The following SUGT1 variants were observed in gnomAD, a reference collection of about 807,000 sequenced individuals.
SUGT1 encodes the protein protein SGT1 homolog.
In SUGT1, 15 loss-of-function variants were observed where a neutral mutation model predicts 56.1. That is an observed-to-expected ratio of 0.27 (90% CI 0.18 to 0.41). The LOEUF (loss-of-function observed/expected upper bound fraction) is 0.41. Ranked by LOEUF, SUGT1 falls within the 10% of genes least tolerant of loss-of-function variation. SUGT1 has a pLI of 1.00. For synonymous variants in SUGT1, 123 were observed against 128.6 expected, an observed-to-expected ratio of 0.96 and a Z score of 0.30; for missense variants, 347 against 382.2, an observed-to-expected ratio of 0.91 and a Z score of 0.77.
intron 11 of SUGT1, among the ~76,000 whole-genome samples, chr13:52,679,580 C>CT (rs1963286822): frequency 4.2e-5 from 1 of 23,534 alleles, no homozygotes; most frequent in Admixed American, 7.2e-4. Flanking sequence ...CTTAGGCATC[C>CT]TTTAAAAAAT....
At position 52,653,642 on chromosome 13, in the gene SUGT1, G is replaced by T. The variant is rs1205299683; in HGVS notation, c.96+539G>T. Among the ~76,000 whole-genome samples, 5 of 152,184 alleles carry T rather than the reference G, an allele frequency of 3.3e-5. No individual in the cohort carries two copies. In the East Asian group the frequency reaches 9.6e-4, roughly 29 times the overall value. On this transcript the variant is annotated intron_variant, in intron 2 of 12. Transcript: ENST00000310528. Reference sequence around the variant, plus strand: ...TGTGCAAAGGCGCTGATTGCTGTGGGTTAAAGTCTTGGTTATATACTCAGC... The same window carrying T: ...TGTGCAAAGGCGCTGATTGCTGTGGTTTAAAGTCTTGGTTATATACTCAGC...
chr13:52,664,189 T>A, intron 8 of SUGT1, 132 bp downstream of exon 8: 1 of 891,568 alleles, frequency 1.1e-6, no homozygotes, highest in Non-Finnish European at 1.7e-6. Context: ...AATTGTGTAA[T>A]AGCTTTATGT....
At chr13:52,656,027 T>C (rs1443067267) in intron 2 of SUGT1, among the ~76,000 whole-genome samples, 1 of 152,202 alleles carries the variant, frequency 6.6e-6, no homozygotes, top group Non-Finnish European at 1.5e-5. Flanking sequence ...CTGGTTATTA[T>C]TGTCAAGGGC....
chr13:52,654,451 A>AT (rs1267447905), intron 2 of SUGT1, among the ~76,000 whole-genome samples: 1 of 152,232 alleles, frequency 6.6e-6, no homozygotes, highest in Non-Finnish European at 1.5e-5. Flanking sequence ...TACTTTAAAA[A>AT]TTTTTATGGA....
At position 52,696,084 on chromosome 13, in the gene SUGT1, G is replaced by C. The variant is rs915592315; in HGVS notation, c.*8249G>C. On this transcript the variant is annotated 3_prime_UTR_variant, in exon 13 of 13. Coordinates refer to ENST00000310528, the MANE Select transcript of SUGT1 (RefSeq NM_006704.5). ...AATCTATTCCTTGTTTGTCAGACCA[G>C]TACATTACAGTTGGTTCATTTCTTC... 2.0e-5 allele frequency: 3 copies of C among 152,252 alleles called. No homozygotes were observed. The highest frequency in any genetic ancestry group is 6.5e-5 in the Admixed American group (1 of 15,278). The allele number at this position is 152,252 out of a possible 1,614,324, so 9.4% of individuals were successfully genotyped here. A position where few individuals can be genotyped will look rare whatever the true frequency, so the allele number is the denominator to read the frequency against.
chr13:52,684,745 C>T (rs1266058809), intron 12 of SUGT1, among the ~76,000 whole-genome samples: 1 of 151,800 alleles, frequency 6.6e-6, no homozygotes, highest in Non-Finnish European at 1.5e-5. Context: ...CCAGGCTGGT[C>T]TTGAACTCTT....
In SUGT1 at chr13:52,685,845, G is replaced by A. The variant is rs554006976; in HGVS notation, c.901-1889G>A. ...CCCTGCAGTCTATTAGGAGAGATGCGGGGGTGGGGCGATAAGTGTCATCAG... is the reference window on the plus strand; with the variant it reads ...CCCTGCAGTCTATTAGGAGAGATGCAGGGGTGGGGCGATAAGTGTCATCAG... On this transcript the variant is annotated intron_variant, in intron 12 of 12. Transcript: ENST00000310528. Among the ~76,000 whole-genome samples the A allele has an allele frequency of 1.6e-4, 24 of 152,310 alleles. 1 individual carries two copies. The South Asian group carries it at 3.1e-3, about 20-fold the overall frequency.
At chr13:52,685,067 GTC>G (rs1415407012) in intron 12 of SUGT1, among the ~76,000 whole-genome samples, 1 of 48,828 alleles carries the variant, frequency 2.0e-5, no homozygotes, top group Non-Finnish European at 3.9e-5. Flanking sequence ...ACCTTTTGGT[GTC>G]TTTTTTTTTT....
rs1218778615 is a variant in SUGT1 at position 52,700,059 on chromosome 13, ACAT to A, written c.*12226_*12228del. The A allele has an allele frequency of 1.3e-5, 2 of 152,142 alleles. No homozygotes were observed. Among genetic ancestry groups the A allele is most frequent in the East Asian group, 1.9e-4 (1 of 5,194 alleles). The allele number at this position is 152,142 out of a possible 1,614,324, so 9.4% of individuals were successfully genotyped here. A position where few individuals can be genotyped will look rare whatever the true frequency, so the allele number is the denominator to read the frequency against. On this transcript the variant is annotated 3_prime_UTR_variant, in exon 13 of 13. Coordinates refer to ENST00000310528, the MANE Select transcript of SUGT1 (RefSeq NM_006704.5). ...GGTGAGAACAGGAATACGAAACACA[ACAT>A]CTGTAAATGACTAAATTCAGAGGGA...
chr13:52,665,972 A>G (rs758846790), intron 9 of SUGT1, among the ~76,000 whole-genome samples: 5 of 152,222 alleles, frequency 3.3e-5, no homozygotes, highest in African/African-American at 4.8e-5. Context: ...TGGTTATATT[A>G]GTAAGATAAT....
rs1962672414 is a variant in SUGT1, at chr13:52,665,711, A to C, written c.497A>C (p.Asn166Thr). Residue 166 changes from asparagine (N) to threonine (T), a missense_variant, in exon 9 of 13, where the codon AAT (asparagine) becomes ACT (threonine). Asn to Thr is a moderately conservative substitution (Grantham distance 65). Transcript: ENST00000310528. ...MIKNVQKNDV[N>T]VEFSEKELSA... ...AAGAATGTTCAGAAGAATGATGTAA[A>C]TGTGGAATTTTCAGAAAAAGAGGTC... is the stretch of plus-strand genomic sequence containing the variant. The C allele has an allele frequency of 6.2e-7, 1 of 1,603,844 alleles. No individual in the cohort carries two copies. The highest frequency in any genetic ancestry group is 1.3e-5 in the African/African-American group (1 of 74,168).
chr13:52,653,460 A>G (rs1015965767), intron 2 of SUGT1, among the ~76,000 whole-genome samples: 6 of 152,162 alleles, frequency 3.9e-5, no homozygotes, highest in African/African-American at 1.2e-4. Flanking sequence ...TCGTTTGACA[A>G]TAATTCTTGC....
At chr13:52,654,675 A>G (rs1234869266) in intron 2 of SUGT1, among the ~76,000 whole-genome samples, 1 of 152,234 alleles carries the variant, frequency 6.6e-6, no homozygotes, top group African/African-American at 2.4e-5. Flanking sequence ...ACTCATAAAC[A>G]GAATCATACA....
At chr13:52,656,548 G>A (rs561285175) in intron 2 of SUGT1, among the ~76,000 whole-genome samples, 5 of 152,178 alleles carry the variant, frequency 3.3e-5, no homozygotes, top group Admixed American at 2.0e-4. Flanking sequence ...TCCATCAAAC[G>A]TAAGGTCCAA....
At chr13:52,658,917 A>G (rs957324518) in intron 4 of SUGT1, among the ~76,000 whole-genome samples, 7 of 151,960 alleles carry the variant, frequency 4.6e-5, no homozygotes, top group African/African-American at 1.7e-4. Flanking sequence ...AACTTCTTTA[A>G]TTCCTTTGTA....
chr13:52,667,866 T>TG lies in SUGT1; in HGVS notation c.627+949dup, dbSNP rs1962779900. Reference sequence around the variant, plus strand: ...TTCAGCACCTTTGAAAGGAGGGCTGTGGACCAAATGAACTCTGGAGTCCTT... The same window carrying TG: ...TTCAGCACCTTTGAAAGGAGGGCTGTGGGACCAAATGAACTCTGGAGTCCTT... On this transcript the variant is annotated intron_variant, in intron 10 of 12. Coordinates refer to ENST00000310528, the MANE Select transcript of SUGT1 (RefSeq NM_006704.5). 2.0e-5 allele frequency among the ~76,000 whole-genome samples: 3 copies of TG among 152,280 alleles called. No individual in the cohort carries two copies. In the East Asian group the frequency reaches 5.8e-4, roughly 29 times the overall value.
intron 12 of SUGT1, among the ~76,000 whole-genome samples, chr13:52,684,822 C>T (rs1405282394): frequency 6.6e-6 from 1 of 152,084 alleles, no homozygotes; most frequent in South Asian, 2.1e-4. Context: ...GCCACCACGC[C>T]TGGCCTGTTG....
At position 52,690,001 on chromosome 13, in the gene SUGT1, A is replaced by G. The variant is rs1237171328; in HGVS notation, c.*2166A>G. 1.3e-5 allele frequency: 2 copies of G among 151,900 alleles called. No individual in the cohort carries two copies. Among genetic ancestry groups the G allele is most frequent in the African/African-American group, 4.8e-5 (2 of 41,356 alleles). The allele number at this position is 151,900 out of a possible 1,614,324, so 9.4% of individuals were successfully genotyped here. A position where few individuals can be genotyped will look rare whatever the true frequency, so the allele number is the denominator to read the frequency against. On this transcript the variant is annotated 3_prime_UTR_variant, in exon 13 of 13. Coordinates refer to ENST00000310528, the MANE Select transcript of SUGT1 (RefSeq NM_006704.5). ...GTTTAAAAAAAAAAAATCTGGTACTATCTTTAGTTGGTTTTAAAGGATATA... is the reference window on the plus strand; with the variant it reads ...GTTTAAAAAAAAAAAATCTGGTACTGTCTTTAGTTGGTTTTAAAGGATATA...
chr13:52,670,714 A>T (rs556602957), intron 10 of SUGT1, among the ~76,000 whole-genome samples: 1 of 152,284 alleles, frequency 6.6e-6, no homozygotes, highest in Non-Finnish European at 1.5e-5. Context: ...AGACTGAGGC[A>T]GGAGAATCGC....
Sources: gnomAD v4.1 joint callset for allele counts (sites outside exome capture counted in the v4.1 genomes callset) on GRCh38, gnomAD v4.1.1 for gene constraint, MANE v1.5 for transcripts, NCBI Gene and HGNC (gene_info 2026-07-23, HGNC 2026-07-21) for gene names.